Variants in SPARCL1 observed in about 807,000 individuals in gnomAD.
SPARCL1 encodes SPARC like 1.
A neutral mutation model predicts 67.1 loss-of-function variants in SPARCL1; 52 were observed. The observed-to-expected ratio is 0.78, with a 90% CI of 0.62 to 0.98. The LOEUF (loss-of-function observed/expected upper bound fraction) is 0.98. Ranked by LOEUF, SPARCL1 falls within the 50% of genes least tolerant of loss-of-function variation. The pLI is 0.00. For synonymous variants in SPARCL1, 226 were observed against 267.8 expected, an observed-to-expected ratio of 0.84 and a Z score of 1.52; for missense variants, 717 against 782.4, an observed-to-expected ratio of 0.92 and a Z score of 1.00.
chr4:87,524,755 C>T (rs4429702), intron 1 of SPARCL1, among the ~76,000 whole-genome samples: 59,412 of 151,994 alleles, frequency 0.39, 13,342 homozygotes, highest in East Asian at 0.6. Flanking sequence ...TGGCTTTCTA[C>T]GAAGTGAGCA....
At position 87,503,769 on chromosome 4, in the gene SPARCL1, C is replaced by T. The variant is rs900793861; in HGVS notation, c.-11-4184G>A. Among the ~76,000 whole-genome samples, 73 of 150,866 alleles carry T rather than the reference C, an allele frequency of 4.8e-4. 2 individuals are homozygous for T. Among genetic ancestry groups the T allele is most frequent in the Admixed American group, 4.2e-3 (63 of 15,138 alleles). ...TCTTGGTTCACTATAACCTCTGCCT[C>T]CTAGGCTCAAGTGATTCTCATGCCT... On this transcript the variant is annotated intron_variant, in intron 1 of 10. Coordinates refer to ENST00000282470, the MANE Select transcript of SPARCL1 (RefSeq NM_004684.6).
chr4:87,529,241 T>C lies in SPARCL1; in HGVS notation c.-208A>G, dbSNP rs975064161. The C allele has an allele frequency of 2.6e-5, 4 of 152,154 alleles. No individual in the cohort carries two copies. Among genetic ancestry groups the C allele is most frequent in the Admixed American group, 6.6e-5 (1 of 15,264 alleles). 9.4% of individuals were successfully genotyped at this position (152,154 alleles called of 1,614,324 possible). A position where few individuals can be genotyped will look rare whatever the true frequency, so the allele number is the denominator to read the frequency against. On this transcript the variant is annotated 5_prime_UTR_variant, in exon 1 of 11. Transcript: ENST00000282470. ...GAAATTCTGCTGCTCTGTCAACTAG[T>C]GGGGGTCTGAAGTGACAGACGAGAA...
chr4:87,506,101 T>C (rs2110244016), intron 1 of SPARCL1, among the ~76,000 whole-genome samples: 1 of 152,178 alleles, frequency 6.6e-6, no homozygotes, highest in African/African-American at 2.4e-5. Context: ...AACAAAAATG[T>C]CTCCAGACAT....
At chr4:87,494,632 A>G in intron 3 of SPARCL1, 34 bp from the exon 4 acceptor site, 1 of 1,495,308 alleles carries the variant, frequency 6.7e-7, no homozygotes, top group South Asian at 1.3e-5. Flanking sequence ...CTTCAAACAA[A>G]TGATAATGTA....
At chr4:87,524,838 T>G (rs1466650975) in intron 1 of SPARCL1, among the ~76,000 whole-genome samples, 2 of 152,164 alleles carry the variant, frequency 1.3e-5, no homozygotes, top group African/African-American at 4.8e-5. Flanking sequence ...CTACTACTTA[T>G]TGAGCATGTA....
chr4:87,476,892 G>A (rs1348064852), intron 10 of SPARCL1, among the ~76,000 whole-genome samples: 1 of 152,208 alleles, frequency 6.6e-6, no homozygotes, highest in Non-Finnish European at 1.5e-5. Flanking sequence ...AGCCTTGAAG[G>A]AAAGAAGGGT....
chr4:87,477,389 A>G (rs1298927306), intron 10 of SPARCL1, among the ~76,000 whole-genome samples: 1 of 152,172 alleles, frequency 6.6e-6, no homozygotes, highest in Non-Finnish European at 1.5e-5. Flanking sequence ...TGCTTGTATC[A>G]TAGATGTTAG....
chr4:87,520,314 AATTT>A (rs1725758700), intron 1 of SPARCL1, among the ~76,000 whole-genome samples: 1 of 151,810 alleles, frequency 6.6e-6, no homozygotes, highest in African/African-American at 2.4e-5. Flanking sequence ...ATAATTCACT[AATTT>A]ATTTATCATT....
chr4:87,483,181 C>CACCCATCA (rs1296376573), intron 7 of SPARCL1, among the ~76,000 whole-genome samples: 1 of 151,418 alleles, frequency 6.6e-6, no homozygotes, highest in Non-Finnish European at 1.5e-5. Context: ...TGGTTTGCTG[C>CACCCATCA]ACCCATCAAC....
At chr4:87,515,704 G>T (rs1317158215) in intron 1 of SPARCL1, among the ~76,000 whole-genome samples, 1 of 152,144 alleles carries the variant, frequency 6.6e-6, no homozygotes, top group Non-Finnish European at 1.5e-5. Flanking sequence ...TCCAGCATTT[G>T]AATTTCAAAT....
intron 1 of SPARCL1, among the ~76,000 whole-genome samples, chr4:87,515,049 C>A (rs1725525107): frequency 1.3e-5 from 2 of 152,064 alleles, no homozygotes; most frequent in East Asian, 3.9e-4. Flanking sequence ...ATGAAAAATG[C>A]AAAAATGAGA....
chr4:87,501,748 G>T (rs1165220880), intron 1 of SPARCL1, among the ~76,000 whole-genome samples: 1 of 152,008 alleles, frequency 6.6e-6, no homozygotes, highest in Non-Finnish European at 1.5e-5. Context: ...TTTGAATTTG[G>T]AAATTTATAT....
rs1724782805 is a variant in SPARCL1, at chr4:87,500,032, T to TG, written c.-11-448dup. Among the ~76,000 whole-genome samples, 5 of 152,360 alleles carry TG rather than the reference T, an allele frequency of 3.3e-5. No individual in the cohort carries two copies. The South Asian group carries it at 1.0e-3, about 32-fold the overall frequency. ...GAGTAATAGACCTAGAGGGTATTAA[T>TG]GTTCATCTGATTTAGAGGTCTTTAC... On this transcript the variant is annotated intron_variant, in intron 1 of 10. Coordinates refer to ENST00000282470, the MANE Select transcript of SPARCL1 (RefSeq NM_004684.6).
At chr4:87,515,977 C>G (rs975502665) in intron 1 of SPARCL1, among the ~76,000 whole-genome samples, 9 of 152,154 alleles carry the variant, frequency 5.9e-5, no homozygotes, top group African/African-American at 1.2e-4. Context: ...TCCCTTGAAT[C>G]TGGACTGGGT....
chr4:87,517,489 C>A (rs1725630071), intron 1 of SPARCL1, among the ~76,000 whole-genome samples: 1 of 152,148 alleles, frequency 6.6e-6, no homozygotes, highest in Non-Finnish European at 1.5e-5. Flanking sequence ...AGCCTAGCCC[C>A]TGTAATTATC....
At chr4:87,478,713 C>T (rs1560810744) in intron 10 of SPARCL1, among the ~76,000 whole-genome samples, 1 of 152,150 alleles carries the variant, frequency 6.6e-6, no homozygotes, top group Admixed American at 6.5e-5. Context: ...GCTGGGATTA[C>T]AGGCATGAGC....
At chr4:87,479,396 G>A (rs749588153) in intron 10 of SPARCL1, 34 bp downstream of exon 10, 1 of 1,604,576 alleles carries the variant, frequency 6.2e-7, no homozygotes, top group East Asian at 2.2e-5. Flanking sequence ...TGAGGAAGAA[G>A]ACATCCCTCT....
At position 87,494,475 on chromosome 4, in the gene SPARCL1, C is replaced by T. The variant is rs568621264; in HGVS notation, c.325G>A (p.Val109Met). The stretch of plus-strand genomic sequence containing the variant: ...TCAGTTGGTGCATACTCCAAATTCA[C>T]ACTTAAGTGACCATCACTGTCCTCT... ...DQEDSDGHLS[V>M]NLEYAPTEGT... The change falls in exon 4 of 11, where the codon GTG becomes ATG. Residue 109 changes from valine (V) to methionine (M), a missense_variant. Val to Met is a conservative substitution (Grantham distance 21). Transcript: ENST00000282470. 9 of 1,614,144 alleles carry T rather than the reference C, an allele frequency of 5.6e-6. No individual in the cohort carries two copies. Among genetic ancestry groups the T allele is most frequent in the Non-Finnish European group, 8.5e-7 (1 of 1,180,020 alleles).
chr4:87,490,184 C>G (rs777925044), intron 7 of SPARCL1, 89 bp downstream of exon 7: 129 of 1,359,766 alleles, frequency 9.5e-5, no homozygotes, highest in Non-Finnish European at 1.2e-4. Flanking sequence ...ATCAGCTTTT[C>G]CCTGTTTGCA....
Sources: allele counts gnomAD v4.1 joint callset (sites outside exome capture counted in the v4.1 genomes callset), GRCh38; gene constraint gnomAD v4.1.1; transcripts MANE v1.5; gene names NCBI Gene and HGNC (gene_info 2026-07-23, HGNC 2026-07-21).